The following CAST variants were observed in gnomAD, a reference collection of about 807,000 sequenced individuals.
CAST encodes the protein MIR583 host.
CAST carries 76 observed loss-of-function variants against 119.6 expected under a neutral mutation model. That is an observed-to-expected ratio of 0.64 (90% CI 0.53 to 0.77). The LOEUF is 0.77. Ranked by LOEUF, CAST falls within the 30% of genes least tolerant of loss-of-function variation. The pLI is 0.00. For missense variants in CAST, 953 were observed against 946.5 expected, an observed-to-expected ratio of 1.01 and a Z score of -0.09; for synonymous variants, 319 against 331.6, an observed-to-expected ratio of 0.96 and a Z score of 0.41.
chr5:96,189,114 GC>G, the CAST span, among the ~76,000 whole-genome samples: 3 of 152,002 alleles, frequency 2.0e-5, no homozygotes, highest in Admixed American at 1.3e-4. Context: ...TTTGGATGTT[GC>G]TTCTATGTCT....
intron 1 of CAST, among the ~76,000 whole-genome samples, chr5:96,543,426 A>C (rs1295648259): frequency 6.6e-6 from 1 of 152,180 alleles, no homozygotes; most frequent in Non-Finnish European, 1.5e-5. Flanking sequence ...GAAATACCTA[A>C]TACATGTGGG....
intron 3 of CAST, among the ~76,000 whole-genome samples, chr5:96,721,348 A>G (rs537451067): frequency 7.9e-5 from 12 of 152,308 alleles, no homozygotes; most frequent in African/African-American, 2.6e-4. Flanking sequence ...ACAAGCATCA[A>G]TGTGTTCTGC....
chr5:96,557,310 A>T (rs1442751460), intron 1 of CAST, among the ~76,000 whole-genome samples: 1 of 152,082 alleles, frequency 6.6e-6, no homozygotes, highest in Admixed American at 6.6e-5. Flanking sequence ...ACTAACGAGC[A>T]AAATAACCAG....
the CAST span, among the ~76,000 whole-genome samples, chr5:96,515,904 T>A: frequency 6.6e-6 from 1 of 151,758 alleles, no homozygotes; most frequent in Admixed American, 6.6e-5. Flanking sequence ...CTGTAGGAAA[T>A]CTTGGGTGGA....
chr5:96,100,032 C>T, the CAST span, among the ~76,000 whole-genome samples: 1 of 152,166 alleles, frequency 6.6e-6, no homozygotes, highest in Non-Finnish European at 1.5e-5. Context: ...TTCAGGGATT[C>T]AGTTTCTTCC....
the CAST span, among the ~76,000 whole-genome samples, chr5:96,371,233 T>C: frequency 1.1e-4 from 16 of 152,282 alleles, no homozygotes; most frequent in East Asian, 2.7e-3. Flanking sequence ...GGAAGGCTGA[T>C]AAAGCATTAT....
At chr5:95,971,960 CTT>C in the CAST span, among the ~76,000 whole-genome samples, 48 of 136,856 alleles carry the variant, frequency 3.5e-4, no homozygotes, top group Non-Finnish European at 4.8e-4. Context: ...TCTTTTATTT[CTT>C]TTTTTTTTTT....
chr5:96,568,917 T>A (rs558058490), intron 1 of CAST, among the ~76,000 whole-genome samples: 36 of 152,206 alleles, frequency 2.4e-4, no homozygotes, highest in African/African-American at 7.2e-4. Context: ...AAGTCAGCAG[T>A]GAAGCAGCTT....
At chr5:96,363,138 T>C in the CAST span, among the ~76,000 whole-genome samples, 1 of 149,044 alleles carries the variant, frequency 6.7e-6, no homozygotes, top group Non-Finnish European at 1.5e-5. Flanking sequence ...AAAGATCAGA[T>C]GGTTGTAGAT....
chr5:96,036,415 A>G, the CAST span, among the ~76,000 whole-genome samples: 1 of 152,220 alleles, frequency 6.6e-6, no homozygotes, highest in South Asian at 2.1e-4. Flanking sequence ...TCTATATTAT[A>G]CATATCCCTG....
chr5:96,414,752 T>A, the CAST span, among the ~76,000 whole-genome samples: 1 of 152,224 alleles, frequency 6.6e-6, no homozygotes, highest in Admixed American at 6.5e-5. Context: ...TTTCGTTCAT[T>A]ATGACTAAAA....
At chr5:96,128,593 C>T in the CAST span, among the ~76,000 whole-genome samples, 1 of 152,116 alleles carries the variant, frequency 6.6e-6, no homozygotes, top group Admixed American at 6.6e-5. Context: ...TTCTCAACTT[C>T]AGCTGAGGTT....
At chr5:96,058,133 C>T in the CAST span, among the ~76,000 whole-genome samples, 1 of 151,972 alleles carries the variant, frequency 6.6e-6, no homozygotes, top group South Asian at 2.1e-4. Flanking sequence ...CAGATCTTCC[C>T]TTCAGAACCA....
the CAST span, among the ~76,000 whole-genome samples, chr5:96,426,658 A>T: frequency 6.6e-6 from 1 of 152,158 alleles, no homozygotes; most frequent in Non-Finnish European, 1.5e-5. Context: ...CCTTGTAGTT[A>T]TATTCATTAT....
chr5:96,616,753 TACACACACACACAC>T lies in CAST; in HGVS notation c.61-58756_61-58743del, dbSNP rs377159898. Among the ~76,000 whole-genome samples the T allele has an allele frequency of 5.1e-3, 665 of 130,828 alleles. 11 individuals are homozygous for T. Among genetic ancestry groups the T allele is most frequent in the African/African-American group, 0.016 (581 of 36,398 alleles). The allele number at this position is 130,828 out of a possible 152,430, so 85.8% of individuals were successfully genotyped here. The stretch of plus-strand genomic sequence containing the variant: ...CGCTCTCTCTCTCTCTCTATATATA[TACACACACACACAC>T]ACACACACACACACACACACACACA... On this transcript the variant is annotated intron_variant, in intron 1 of 11. Coordinates refer to the CAST transcript ENST00000505143.
intron 24 of CAST, among the ~76,000 whole-genome samples, chr5:96,759,000 T>C (rs1767024997): frequency 6.6e-6 from 1 of 152,192 alleles, no homozygotes; most frequent in South Asian, 2.1e-4. Flanking sequence ...TTGTTTTTTC[T>C]TTTAGAAATT....
At chr5:96,170,883 G>A in the CAST span, among the ~76,000 whole-genome samples, 1 of 152,204 alleles carries the variant, frequency 6.6e-6, no homozygotes, top group Non-Finnish European at 1.5e-5. Context: ...TGGGTGTGAG[G>A]AGGAGAGGTG....
chr5:96,121,965 A>G, the CAST span, among the ~76,000 whole-genome samples: 17 of 152,270 alleles, frequency 1.1e-4, no homozygotes, highest in Admixed American at 8.5e-4. Flanking sequence ...CAGTAAGAAT[A>G]TCTTTTCTTC....
chr5:95,997,172 AAC>A, the CAST span, among the ~76,000 whole-genome samples: 1 of 152,278 alleles, frequency 6.6e-6, no homozygotes, highest in Non-Finnish European at 1.5e-5. Context: ...TGCATGGTCA[AAC>A]ACAACACACT....
Sources: allele counts gnomAD v4.1 joint callset (sites outside exome capture counted in the v4.1 genomes callset), GRCh38; gene constraint gnomAD v4.1.1; transcripts MANE v1.5; gene names NCBI Gene and HGNC (gene_info 2026-07-23, HGNC 2026-07-21).